SCHIP1: variants seen among roughly 807,000 people sequenced by gnomAD.
SCHIP1 encodes schwannomin interacting protein 1.
SCHIP1 carries 8 observed loss-of-function variants against 29.7 expected under a neutral mutation model. The observed-to-expected ratio is 0.27, with a 90% CI of 0.16 to 0.49. The LOEUF is 0.49. Ranked by LOEUF, SCHIP1 falls within the 20% of genes least tolerant of loss-of-function variation. SCHIP1 has a pLI of 0.99. For synonymous variants in SCHIP1, 76 were observed against 94.9 expected (o/e 0.80, Z 1.16); for missense variants, 193 against 294.6 (o/e 0.66, Z 2.52).
intron 1 of SCHIP1, among the ~76,000 whole-genome samples, chr3:159,841,376 G>A (rs7631755): frequency 9.9e-5 from 15 of 152,176 alleles, no homozygotes; most frequent in African/African-American, 2.4e-4. Context: ...AATATTGAGC[G>A]TCATGCTTCA....
At chr3:159,320,253 C>T in the SCHIP1 span, among the ~76,000 whole-genome samples, 1 of 152,116 alleles carries the variant, frequency 6.6e-6, no homozygotes, top group Admixed American at 6.5e-5. Context: ...ACTGAAAAAA[C>T]ATGTGTAGTG....
chr3:159,558,197 A>T, the SCHIP1 span, among the ~76,000 whole-genome samples: 1 of 152,256 alleles, frequency 6.6e-6, no homozygotes, highest in Non-Finnish European at 1.5e-5. Context: ...ACTGGAAGGT[A>T]TATCTCCATG....
the SCHIP1 span, among the ~76,000 whole-genome samples, chr3:159,773,033 G>A: frequency 6.6e-6 from 1 of 152,226 alleles, no homozygotes; most frequent in Non-Finnish European, 1.5e-5. Context: ...GAGCCACTGC[G>A]CCCGGCCTAC....
chr3:159,406,193 C>G, the SCHIP1 span, among the ~76,000 whole-genome samples: 1 of 151,758 alleles, frequency 6.6e-6, no homozygotes, highest in Non-Finnish European at 1.5e-5. Context: ...TCCCAAAGGT[C>G]AAGTTTAAGG....
the SCHIP1 span, among the ~76,000 whole-genome samples, chr3:159,681,715 G>T: frequency 6.6e-6 from 1 of 152,132 alleles, no homozygotes; most frequent in South Asian, 2.1e-4. Flanking sequence ...ACTTTTCTTT[G>T]CATTGGACCT....
the SCHIP1 span, among the ~76,000 whole-genome samples, chr3:159,425,600 T>C: frequency 6.6e-6 from 1 of 151,982 alleles, no homozygotes; most frequent in African/African-American, 2.4e-5. Flanking sequence ...ATGGGAGACT[T>C]TAACACCCCA....
chr3:159,273,873 A>C, the SCHIP1 span: 2 of 1,613,464 alleles, frequency 1.2e-6, no homozygotes, highest in South Asian at 2.2e-5. Flanking sequence ...CAGGGCAAGC[A>C]CTCTGACAGT....
At chr3:159,502,953 G>T in the SCHIP1 span, among the ~76,000 whole-genome samples, 2 of 152,210 alleles carry the variant, frequency 1.3e-5, no homozygotes, top group Non-Finnish European at 2.9e-5. Flanking sequence ...GACGCTAAAA[G>T]GCGGTAGATT....
chr3:159,664,865 T>C, the SCHIP1 span, among the ~76,000 whole-genome samples: 1 of 152,222 alleles, frequency 6.6e-6, no homozygotes, highest in Non-Finnish European at 1.5e-5. Context: ...GCCAGCACCA[T>C]CTGAGAACTT....
chr3:159,320,713 TC>T, the SCHIP1 span, among the ~76,000 whole-genome samples: 1 of 152,160 alleles, frequency 6.6e-6, no homozygotes, highest in East Asian at 1.9e-4. Flanking sequence ...TTTCTTAATT[TC>T]TACAATTTCC....
chr3:159,338,535 C>T, the SCHIP1 span, among the ~76,000 whole-genome samples: 13 of 152,028 alleles, frequency 8.6e-5, no homozygotes, highest in South Asian at 6.2e-4. Flanking sequence ...TTGTTCTAGA[C>T]GGGAAACCAT....
chr3:159,872,674 TC>T (rs1715406147), intron 2 of SCHIP1, among the ~76,000 whole-genome samples: 1 of 152,184 alleles, frequency 6.6e-6, no homozygotes, highest in Non-Finnish European at 1.5e-5. Flanking sequence ...CTGTTTGGGA[TC>T]TCTCTCAGAA....
chr3:159,645,512 C>T, the SCHIP1 span, among the ~76,000 whole-genome samples: 1 of 152,160 alleles, frequency 6.6e-6, no homozygotes, highest in Non-Finnish European at 1.5e-5. Flanking sequence ...AGACTGCTTG[C>T]AACCTTCAGA....
the SCHIP1 span, among the ~76,000 whole-genome samples, chr3:159,370,701 C>G: frequency 1.3e-5 from 2 of 152,112 alleles, no homozygotes; most frequent in African/African-American, 2.4e-5. Flanking sequence ...ATGGATGAAT[C>G]CTCTCTCTCT....
the SCHIP1 span, among the ~76,000 whole-genome samples, chr3:159,513,450 A>C: frequency 2.0e-5 from 3 of 151,066 alleles, no homozygotes; most frequent in African/African-American, 7.4e-5. Context: ...ATAAGAAGGA[A>C]TTTCACATTT....
In SCHIP1 at chr3:159,843,001, C is replaced by CTTTTTTTTTTTTTTTT. The variant is rs566940351; in HGVS notation, c.30+2800_30+2815dup. Among the ~76,000 whole-genome samples the CTTTTTTTTTTTTTTTT allele has an allele frequency of 6.5e-3, 414 of 63,654 alleles. 70 individuals carry two copies. Among genetic ancestry groups the CTTTTTTTTTTTTTTTT allele is most frequent in the Non-Finnish European group, 8.2e-3 (248 of 30,118 alleles). 41.8% of individuals were successfully genotyped at this position (63,654 alleles called of 152,430 possible). Reference sequence around the variant, plus strand: ...TCCAGTTCTATCCCAATATTTCTTTCTTTTTTTTTTTTTTTTTTTTTTTTT... The same window carrying CTTTTTTTTTTTTTTTT: ...TCCAGTTCTATCCCAATATTTCTTTCTTTTTTTTTTTTTTTTTTTTTTTTTTTTTTTTTTTTTTTTT... On this transcript the variant is annotated intron_variant, in intron 1 of 6. Transcript: ENST00000445224.
the SCHIP1 span, among the ~76,000 whole-genome samples, chr3:159,567,149 A>T: frequency 3.3e-5 from 5 of 151,834 alleles, no homozygotes; most frequent in Non-Finnish European, 2.9e-5. Context: ...GCCATTCCAG[A>T]TTTCTCCTTT....
At chr3:159,807,999 C>T in the SCHIP1 span, among the ~76,000 whole-genome samples, 1 of 152,206 alleles carries the variant, frequency 6.6e-6, no homozygotes, top group Admixed American at 6.5e-5. Flanking sequence ...GTTCTTCTTA[C>T]TATACCAAAT....
At chr3:159,504,231 T>G in the SCHIP1 span, among the ~76,000 whole-genome samples, 2 of 152,154 alleles carry the variant, frequency 1.3e-5, no homozygotes, top group African/African-American at 4.8e-5. Context: ...ATAGGAAACA[T>G]TAAGTTCAGT....
Sources: gnomAD v4.1 joint callset for allele counts (sites outside exome capture counted in the v4.1 genomes callset) on GRCh38, gnomAD v4.1.1 for gene constraint, MANE v1.5 for transcripts, NCBI Gene and HGNC (gene_info 2026-07-23, HGNC 2026-07-21) for gene names.